Variants in TRIM49 observed in about 807,000 individuals in gnomAD.
The protein encoded by TRIM49 is tripartite motif-containing protein 49.
TRIM49 carries 5 observed loss-of-function variants against 27.4 expected under a neutral mutation model. The observed-to-expected ratio is 0.18, with a 90% confidence interval of 0.10 to 0.38. The LOEUF is 0.38. TRIM49 is among the 10% of genes least tolerant of loss of function. The pLI is 1.00. For missense variants in TRIM49, 188 were observed against 487.5 expected (o/e 0.39, Z 5.79); for synonymous variants, 69 against 166.0 (o/e 0.42, Z 4.49).
At chr11:89,772,107 G>C in the TRIM49 span, among the ~76,000 whole-genome samples, 1 of 134,056 alleles carries the variant, frequency 7.5e-6, no homozygotes, top group Admixed American at 7.0e-5. Context: ...ACATGAAAAT[G>C]ATGAGGATGA....
chr11:89,773,574 A>G, the TRIM49 span, among the ~76,000 whole-genome samples: 1 of 131,984 alleles, frequency 7.6e-6, no homozygotes, highest in Non-Finnish European at 1.5e-5. Context: ...ATCTTTGAAC[A>G]TATTCAGACA....
chr11:89,787,986 T>C, the TRIM49 span: 2 of 263,390 alleles, frequency 7.6e-6, no homozygotes, highest in Non-Finnish European at 1.4e-5. Flanking sequence ...GGGAGCCACA[T>C]CGATTCGCCT....
In TRIM49 at chr11:89,798,470, T is replaced by C. The variant is rs780687669; in HGVS notation, c.1019A>G (p.Lys340Arg). The C allele has an allele frequency of 6.3e-6, 10 of 1,593,506 alleles. No individual in the cohort carries two copies. Among genetic ancestry groups the C allele is most frequent in the Non-Finnish European group, 8.5e-6 (10 of 1,173,140 alleles). ...AWGVQTFTSG[K>R]YYWEVHVGDS... ...CCCTACATGGACCTCCCAGTAATAT[T>C]TGCCCGAGGTGAAAGTCTGAACACC... Residue 340 changes from lysine (K) to arginine (R), a missense_variant, in exon 8 of 8, where the codon AAA becomes AGA. Around this residue, in one of 6 missense-constraint regions of TRIM49, gnomAD observed 94 missense variants for 149.6 expected, o/e 0.63. Transcript: ENST00000329758.
the TRIM49 span, among the ~76,000 whole-genome samples, chr11:89,774,161 C>A: frequency 6.7e-6 from 1 of 150,348 alleles, no homozygotes; most frequent in African/African-American, 2.5e-5. Flanking sequence ...CCACCGAACT[C>A]GGCTAATTTT....
chr11:89,783,730 G>A, the TRIM49 span, among the ~76,000 whole-genome samples: 1 of 146,946 alleles, frequency 6.8e-6, no homozygotes, highest in African/African-American at 2.6e-5. Flanking sequence ...ATAGAGAATG[G>A]AAAATTCTAT....
At chr11:89,779,755 A>C in the TRIM49 span, among the ~76,000 whole-genome samples, 1 of 119,344 alleles carries the variant, frequency 8.4e-6, no homozygotes, top group Admixed American at 8.3e-5. Flanking sequence ...AAAAAATGCT[A>C]TTTCTGAAAA....
chr11:89,803,087 A>G (rs1348992143), intron 4 of TRIM49, among the ~76,000 whole-genome samples: 9 of 149,984 alleles, frequency 6.0e-5, no homozygotes, highest in Non-Finnish European at 1.2e-4. Context: ...AAGTCCTCAG[A>G]GTTCTCCTTA....
chr11:89,785,583 T>C, the TRIM49 span, among the ~76,000 whole-genome samples: 1 of 144,212 alleles, frequency 6.9e-6, no homozygotes, highest in Non-Finnish European at 1.5e-5. Flanking sequence ...TAATAGTTCA[T>C]TAATTAGACT....
the TRIM49 span, chr11:89,789,530 C>T: frequency 6.8e-6 from 1 of 147,476 alleles, no homozygotes; most frequent in Admixed American, 6.7e-5. Context: ...GACTGCACTG[C>T]AGCCCACATG....
Position 89,798,372 on chromosome 11 carries a change from C to T in TRIM49, c.1117G>A (p.Gly373Arg), listed in dbSNP as rs12417980. The T allele has an allele frequency of 0.36, 558,922 of 1,573,254 alleles. 116,369 individuals are homozygous for T. The highest frequency in any genetic ancestry group is 0.38 in the Non-Finnish European group (439,513 of 1,162,166). Residue 373 changes from glycine to arginine, a missense_variant, in exon 8 of 8, where the codon GGA (glycine) becomes AGA (arginine). Coordinates refer to ENST00000329758, the MANE Select transcript of TRIM49 (RefSeq NM_020358.2). ...CCAAGAAGAAAGAGTCCCGCCTTTCCATCTATCTTCTCATTCTGATTCTTC... is the reference window on the plus strand; with the variant it reads ...CCAAGAAGAAAGAGTCCCGCCTTTCTATCTATCTTCTCATTCTGATTCTTC... ...KEKNQNEKID[G>R]KAGLFLLGCV...
the TRIM49 span, among the ~76,000 whole-genome samples, chr11:89,791,305 T>C: frequency 1.3e-5 from 2 of 152,210 alleles, no homozygotes; most frequent in South Asian, 4.1e-4. Context: ...TGGATACGAG[T>C]TGGAAAACAC....
At chr11:89,796,056 G>A (rs1407250271), downstream of TRIM49, among the ~76,000 whole-genome samples, 8 of 151,630 alleles carry the variant, frequency 5.3e-5, no homozygotes, top group Admixed American at 5.3e-4. Context: ...TGGTAATAAA[G>A]CACTTCATCC....
At chr11:89,789,641 T>A in the TRIM49 span, 1 of 152,014 alleles carries the variant, frequency 6.6e-6, no homozygotes, top group African/African-American at 2.4e-5. Flanking sequence ...CCCAAGAACG[T>A]CTAATTGCCG....
chr11:89,772,622 A>C, the TRIM49 span, among the ~76,000 whole-genome samples: 3 of 133,246 alleles, frequency 2.3e-5, no homozygotes, highest in Non-Finnish European at 4.6e-5. Flanking sequence ...ATTAGCAAGA[A>C]ATCCTAATAA....
At chr11:89,808,077 T>C (rs1366875235) in intron 1 of TRIM49, among the ~76,000 whole-genome samples, 7 of 130,608 alleles carry the variant, frequency 5.4e-5, no homozygotes, top group Admixed American at 2.2e-4. Context: ...TGACTAGGAG[T>C]GCACCACGGG....
chr11:89,783,357 CT>C, the TRIM49 span, among the ~76,000 whole-genome samples: 1 of 96,498 alleles, frequency 1.0e-5, no homozygotes, highest in African/African-American at 4.5e-5. Flanking sequence ...CATTGAGAAA[CT>C]TTTCCAAAAT....
downstream of TRIM49, among the ~76,000 whole-genome samples, chr11:89,796,003 T>G (rs1485478751): frequency 1.3e-5 from 2 of 151,384 alleles, no homozygotes; most frequent in Non-Finnish European, 2.9e-5. Flanking sequence ...GCAAATCCTC[T>G]AGACATGAGA....
chr11:89,783,658 TAAACCTTCCTATGCAGTAG>T, the TRIM49 span, among the ~76,000 whole-genome samples: 1 of 143,522 alleles, frequency 7.0e-6, no homozygotes, highest in Non-Finnish European at 1.5e-5. Flanking sequence ...TAAAGTGGTA[TAAACCTTCCTATGCAGTAG>T]AAAGAACAAA....
At chr11:89,794,614 T>C (rs1300497071), downstream of TRIM49, among the ~76,000 whole-genome samples, 1 of 147,210 alleles carries the variant, frequency 6.8e-6, no homozygotes, top group East Asian at 2.1e-4. Context: ...CTTTGACAAA[T>C]CTGACAAAAA....
Sources: allele counts gnomAD v4.1 joint callset (sites outside exome capture counted in the v4.1 genomes callset), GRCh38; gene constraint gnomAD v4.1.1; regional missense constraint gnomAD v4.1.1; transcripts MANE v1.5; gene names NCBI Gene and HGNC (gene_info 2026-07-23, HGNC 2026-07-21).